Variants in PEX14 observed in about 807,000 individuals in gnomAD.
PEX14 encodes peroxisomal membrane protein PEX14.
PEX14 carries 15 observed loss-of-function variants against 49.5 expected under a neutral mutation model. That is an observed-to-expected ratio of 0.30 (90% CI 0.20 to 0.47). The LOEUF (loss-of-function observed/expected upper bound fraction) is 0.47, where lower values mean the gene tolerates loss of function less well. PEX14 is among the 20% of genes least tolerant of loss of function. PEX14 has a pLI of 1.00. For synonymous variants in PEX14, 210 were observed against 212.7 expected (o/e 0.99, Z 0.11); for missense variants, 398 against 494.8 (o/e 0.80, Z 1.86).
chr1:10,551,661 G>C (rs867768334), intron 3 of PEX14, among the ~76,000 whole-genome samples: 1 of 152,200 alleles, frequency 6.6e-6, no homozygotes, highest in Non-Finnish European at 1.5e-5. Flanking sequence ...TGTGTAGTTA[G>C]TTCTCGCTAT....
chr1:10,548,312 G>A (rs1031164861), intron 3 of PEX14, among the ~76,000 whole-genome samples: 2 of 152,208 alleles, frequency 1.3e-5, no homozygotes, highest in African/African-American at 4.8e-5. Flanking sequence ...TATCTGCTAA[G>A]GGTAGACAAG....
intron 3 of PEX14, among the ~76,000 whole-genome samples, chr1:10,542,510 C>T (rs1165459277): frequency 6.6e-6 from 1 of 152,124 alleles, no homozygotes; most frequent in Non-Finnish European, 1.5e-5. Flanking sequence ...GCCTATAATC[C>T]CAGCACTTCG....
At chr1:10,563,226 G>A (rs780511536) in intron 3 of PEX14, among the ~76,000 whole-genome samples, 13 of 151,406 alleles carry the variant, frequency 8.6e-5, no homozygotes, top group Admixed American at 3.9e-4. Context: ...GCTGAATGGT[G>A]ATTTTCTAAT....
intron 3 of PEX14, among the ~76,000 whole-genome samples, chr1:10,587,160 T>C (rs1447856339): frequency 6.6e-6 from 1 of 152,152 alleles, no homozygotes; most frequent in African/African-American, 2.4e-5. Context: ...AAAAGTTTCC[T>C]TAAAATTATA....
At chr1:10,543,235 A>T (rs553037271) in intron 3 of PEX14, among the ~76,000 whole-genome samples, 3 of 152,308 alleles carry the variant, frequency 2.0e-5, no homozygotes, top group Non-Finnish European at 1.5e-5. Flanking sequence ...CCCAAGTTCA[A>T]GCGATTCATC....
rs1640342967 is a variant in PEX14, at chr1:10,582,275, CTTTATTCACA to C, written c.170-16952_170-16943del. On this transcript the variant is annotated intron_variant, in intron 3 of 8. Coordinates refer to ENST00000356607, the MANE Select transcript of PEX14 (RefSeq NM_004565.3). Reference sequence around the variant, plus strand: ...CTGCAATTCATGAAGCACCAGTGTGCTTTATTCACATTTATTCACACATTGAACAATTATT... The same window carrying C: ...CTGCAATTCATGAAGCACCAGTGTGCTTTATTCACACATTGAACAATTATT... Among the ~76,000 whole-genome samples, 4 of 152,064 alleles carry C rather than the reference CTTTATTCACA, an allele frequency of 2.6e-5. No homozygotes were observed. In the South Asian group the frequency reaches 8.3e-4, roughly 32 times the overall value.
intron 3 of PEX14, among the ~76,000 whole-genome samples, chr1:10,571,600 G>C (rs1639979323): frequency 6.6e-6 from 1 of 152,114 alleles, no homozygotes; most frequent in Admixed American, 6.5e-5. Context: ...CTTGAGCTTA[G>C]GAGTTCGAGA....
chr1:10,528,398 C>A, intron 2 of PEX14: 1 of 481,278 alleles, frequency 2.1e-6, no homozygotes, highest in African/African-American at 2.1e-5. Context: ...GAAATTCAAC[C>A]AGTGGTGGAG....
Position 10,514,307 on chromosome 1 carries a change from T to C in PEX14, c.84+18986T>C, listed in dbSNP as rs1359195873. Among the ~76,000 whole-genome samples the C allele has an allele frequency of 1.3e-5, 2 of 152,132 alleles. No individual in the cohort carries two copies. Among genetic ancestry groups the C allele is most frequent in the African/African-American group, 4.8e-5 (2 of 41,420 alleles). ...GTACGGTGCTGCTCAGCCCACGTAT[T>C]GTGCATCTGTATGTGTGTATGTGCG... On this transcript the variant is annotated intron_variant, in intron 2 of 8. Coordinates refer to ENST00000356607, the MANE Select transcript of PEX14 (RefSeq NM_004565.3). This position sits in a 1 kb window ranked among gnomAD's most constrained non-coding sequence, Gnocchi z 4.4.
chr1:10,487,541 G>A (rs1342825716), intron 1 of PEX14, among the ~76,000 whole-genome samples: 3 of 127,982 alleles, frequency 2.3e-5, no homozygotes, highest in Non-Finnish European at 3.1e-5. Flanking sequence ...CTGGAGTGCA[G>A]TGGCGTGATC....
rs572890533 is a variant in PEX14 at position 10,607,545 on chromosome 1, G to A, written c.298+8179G>A. Among the ~76,000 whole-genome samples the A allele has an allele frequency of 3.3e-4, 50 of 152,302 alleles. 1 individual carries two copies. The South Asian group carries it at 8.9e-3, about 27-fold the overall frequency. On this transcript the variant is annotated intron_variant, in intron 4 of 8. Transcript: ENST00000356607. ...TTCTAGTTGCTACATATCCCCAACA[G>A]TTGGTCTTCTCAGTCTTTTTAATTT...
At chr1:10,603,221 A>G (rs1447291812) in intron 4 of PEX14, among the ~76,000 whole-genome samples, 1 of 152,216 alleles carries the variant, frequency 6.6e-6, no homozygotes, top group African/African-American at 2.4e-5. Flanking sequence ...TTTATTAACC[A>G]TCTACTATAC....
intron 1 of PEX14, among the ~76,000 whole-genome samples, chr1:10,488,275 G>A (rs1641406970): frequency 1.3e-5 from 2 of 152,094 alleles, no homozygotes; most frequent in Admixed American, 1.3e-4. Flanking sequence ...TCCTGCCTCA[G>A]CCTCCTGAGT....
intron 4 of PEX14, among the ~76,000 whole-genome samples, chr1:10,603,946 TGAGA>T (rs537711333): frequency 3.3e-5 from 5 of 152,232 alleles, no homozygotes; most frequent in African/African-American, 9.6e-5. Flanking sequence ...TTAGAAATCC[TGAGA>T]GAGAGTGAGT....
At chr1:10,516,247 T>C (rs1641967833) in intron 2 of PEX14, among the ~76,000 whole-genome samples, 1 of 152,226 alleles carries the variant, frequency 6.6e-6, no homozygotes, top group African/African-American at 2.4e-5. Flanking sequence ...GGTTGTTCCC[T>C]AGCCCTGTTT....
Position 10,512,839 on chromosome 1 carries a change from A to C in PEX14, c.84+17518A>C, listed in dbSNP as rs1398547361. On this transcript the variant is annotated intron_variant, in intron 2 of 8. Coordinates refer to ENST00000356607, the MANE Select transcript of PEX14 (RefSeq NM_004565.3). The surrounding 1 kb of genome is among the most constrained non-coding windows in gnomAD (Gnocchi z 4.6). The stretch of plus-strand genomic sequence containing the variant: ...CAGCCTCCTGAGTAGCTGGGACTAC[A>C]GGCGTGTGCCACCACGCCCGGCTAA... Among the ~76,000 whole-genome samples the C allele has an allele frequency of 6.6e-6, 1 of 152,150 alleles. No homozygotes were observed. Among genetic ancestry groups the C allele is most frequent in the African/African-American group, 2.4e-5 (1 of 41,420 alleles).
At chr1:10,589,277 G>C (rs1157204196) in intron 3 of PEX14, among the ~76,000 whole-genome samples, 1 of 152,130 alleles carries the variant, frequency 6.6e-6, no homozygotes, top group East Asian at 1.9e-4. Flanking sequence ...CAGATTGCAA[G>C]GGTATATGGG....
At chr1:10,609,891 T>A (rs967357196) in intron 4 of PEX14, among the ~76,000 whole-genome samples, 1 of 151,672 alleles carries the variant, frequency 6.6e-6, no homozygotes, top group Non-Finnish European at 1.5e-5. Context: ...TCTCAAAAAA[T>A]AAATAAATAA....
chr1:10,621,267 G>A (rs987761205), intron 5 of PEX14, among the ~76,000 whole-genome samples: 4 of 151,070 alleles, frequency 2.6e-5, no homozygotes, highest in African/African-American at 7.3e-5. Context: ...CTAGGGCAGC[G>A]TGTCTGCTCC....
Sources: gnomAD v4.1 joint callset for allele counts (sites outside exome capture counted in the v4.1 genomes callset) on GRCh38, gnomAD v4.1.1 for gene constraint, Gnocchi (gnomAD v3.1) non-coding constraint, MANE v1.5 for transcripts, NCBI Gene and HGNC (gene_info 2026-07-23, HGNC 2026-07-21) for gene names.